RHOH: variants seen among roughly 807,000 people sequenced by gnomAD.
The protein encoded by RHOH is rho-related GTP-binding protein RhoH.
RHOH carries 6 observed loss-of-function variants against 13.8 expected under a neutral mutation model. The observed-to-expected ratio is 0.44, with a 90% confidence interval of 0.24 to 0.86. The LOEUF (loss-of-function observed/expected upper bound fraction) is 0.86. Among genes scored for constraint, RHOH ranks in the 40% least tolerant of loss-of-function variants. RHOH has a pLI of 0.24. For missense variants in RHOH, 147 were observed against 244.5 expected (o/e 0.60, Z 2.66); for synonymous variants, 117 against 103.0 (o/e 1.14, Z -0.82).
In RHOH at chr4:40,198,249, A is replaced by T. The variant is rs920451611; in HGVS notation, c.-331+949A>T. Among the ~76,000 whole-genome samples the T allele has an allele frequency of 4.6e-5, 7 of 152,296 alleles. No homozygotes were observed. In the East Asian group the frequency reaches 1.3e-3, roughly 29 times the overall value. ...AAGAATGCGAAGTGTCGGTAGAAGG[A>T]GAAGGGGCAGGTGATTTCAGACTGG... is the stretch of plus-strand genomic sequence containing the variant. On this transcript the variant is annotated intron_variant, in intron 1 of 2. Coordinates refer to ENST00000381799, the MANE Select transcript of RHOH (RefSeq NM_004310.5).
At chr4:40,198,153 G>C (rs1579218715) in intron 1 of RHOH, among the ~76,000 whole-genome samples, 1 of 152,358 alleles carries the variant, frequency 6.6e-6, no homozygotes, top group East Asian at 1.9e-4. Flanking sequence ...GCACAGGCTT[G>C]AAGAGTTCTG....
chr4:40,230,042 A>G (rs762480368), intron 1 of RHOH, among the ~76,000 whole-genome samples: 9 of 152,100 alleles, frequency 5.9e-5, no homozygotes, highest in Non-Finnish European at 1.0e-4. Flanking sequence ...AAAGAATATA[A>G]AAAGGACTTC....
rs147486622 is a variant in RHOH at position 40,217,200 on chromosome 4, G to C, written c.-331+19900G>C. Among the ~76,000 whole-genome samples the C allele has an allele frequency of 5.3e-5, 8 of 152,262 alleles. No homozygotes were observed. The East Asian group carries it at 1.3e-3, about 26-fold the overall frequency. On this transcript the variant is annotated intron_variant, in intron 1 of 2. Transcript: ENST00000381799. Reference sequence around the variant, plus strand: ...GCAGGAGGGTCGGGGTCTTGGAGTTGTTCAAGTAATTTCATCAGTTAGGGG... The same window carrying C: ...GCAGGAGGGTCGGGGTCTTGGAGTTCTTCAAGTAATTTCATCAGTTAGGGG...
intron 1 of RHOH, among the ~76,000 whole-genome samples, chr4:40,222,289 T>C (rs1376263938): frequency 6.6e-6 from 1 of 152,176 alleles, no homozygotes; most frequent in Non-Finnish European, 1.5e-5. Flanking sequence ...CAAAATGGCC[T>C]TCTATTGGAA....
At chr4:40,199,104 TA>T (rs58849854) in intron 1 of RHOH, among the ~76,000 whole-genome samples, 48 of 150,450 alleles carry the variant, frequency 3.2e-4, no homozygotes, top group East Asian at 1.2e-3. Context: ...ATGCTCAGAT[TA>T]AAAAAAAAAT....
Position 40,243,853 on chromosome 4 carries a change from A to G in RHOH, c.467A>G (p.Asn156Ser), listed in dbSNP as rs1729564196. 1 of 1,614,174 alleles carries G rather than the reference A, an allele frequency of 6.2e-7. No individual in the cohort carries two copies. The highest frequency in any genetic ancestry group is 8.5e-7 in the Non-Finnish European group (1 of 1,180,016). ...KGYLECSALSNRGVQQVFECA... is the reference protein window; with the variant it reads ...KGYLECSALSSRGVQQVFECA... ...TACCTGGAGTGCTCAGCCCTTAGCA[A>G]TCGGGGAGTACAGCAGGTGTTTGAG... The change falls in exon 3 of 3, where the codon AAT becomes AGT. Residue 156 changes from asparagine (N) to serine (S), a missense_variant. Transcript: ENST00000381799. The surrounding 1 kb of genome is among the most constrained non-coding windows in gnomAD (Gnocchi z 6.2).
upstream of RHOH, among the ~76,000 whole-genome samples, chr4:40,194,155 A>G (rs1722894642): frequency 6.6e-6 from 1 of 152,210 alleles, no homozygotes; most frequent in Non-Finnish European, 1.5e-5. Flanking sequence ...TAAATCTTTT[A>G]GAAACTTGGA....
chr4:40,202,410 G>A (rs142194936), intron 1 of RHOH, among the ~76,000 whole-genome samples: 8 of 152,256 alleles, frequency 5.3e-5, no homozygotes, highest in African/African-American at 1.7e-4. Context: ...GACAGCATTT[G>A]GTATGTTAGA....
chr4:40,195,086 G>T (rs927782276), upstream of RHOH, among the ~76,000 whole-genome samples: 9 of 152,138 alleles, frequency 5.9e-5, no homozygotes, highest in African/African-American at 1.9e-4. Context: ...GAACCACGTG[G>T]CATACATTCT....
intron 1 of RHOH, among the ~76,000 whole-genome samples, chr4:40,216,136 A>AT (rs35028517): frequency 0.33 from 43,119 of 132,446 alleles, 7,398 homozygotes; most frequent in African/African-American, 0.45. Flanking sequence ...GACAGTTGCT[A>AT]TTTTTTTTTT....
upstream of RHOH, chr4:40,196,805 G>C (rs3796523): frequency 0.46 from 69,818 of 151,184 alleles, 18,555 homozygotes; most frequent in East Asian, 0.77. Context: ...TGGGGCTAAG[G>C]GGGAGAGAAA....
chr4:40,201,715 G>A (rs1041853404), intron 1 of RHOH, among the ~76,000 whole-genome samples: 1 of 151,924 alleles, frequency 6.6e-6, no homozygotes, highest in African/African-American at 2.4e-5. Context: ...ATGCTACTGA[G>A]GAACTGTGTA....
chr4:40,191,712 T>C (rs6847288), upstream of RHOH, among the ~76,000 whole-genome samples: 134,611 of 152,248 alleles, frequency 0.88, 59,672 homozygotes, highest in East Asian at 1. Flanking sequence ...GCTAGATCAA[T>C]ACAGTAATCC....
chr4:40,235,744 C>A (rs1728494458), intron 1 of RHOH, among the ~76,000 whole-genome samples: 1 of 151,762 alleles, frequency 6.6e-6, no homozygotes, highest in Admixed American at 6.6e-5. Context: ...GAGGCTGAGG[C>A]AAGAGGATTG....
At chr4:40,228,535 ATGG>A (rs1224549569) in intron 1 of RHOH, among the ~76,000 whole-genome samples, 1 of 152,064 alleles carries the variant, frequency 6.6e-6, no homozygotes, top group East Asian at 1.9e-4. Flanking sequence ...TGTGTGTTGG[ATGG>A]TGGTGGTGGT....
At chr4:40,226,541 A>G (rs1030498046) in intron 1 of RHOH, among the ~76,000 whole-genome samples, 4 of 147,964 alleles carry the variant, frequency 2.7e-5, no homozygotes, top group African/African-American at 9.9e-5. Context: ...AAAAAAAAAA[A>G]AAAAGAAAAA....
At chr4:40,210,391 G>A (rs1725131734) in intron 1 of RHOH, among the ~76,000 whole-genome samples, 1 of 152,170 alleles carries the variant, frequency 6.6e-6, no homozygotes, top group South Asian at 2.1e-4. Context: ...ATGGCTGCAC[G>A]ATGATTGCTG....
chr4:40,194,668 G>A (rs556046826), upstream of RHOH, among the ~76,000 whole-genome samples: 1 of 152,252 alleles, frequency 6.6e-6, no homozygotes, highest in African/African-American at 2.4e-5. Flanking sequence ...GAGCCACTGC[G>A]CCCGGCCCAT....
intron 1 of RHOH, among the ~76,000 whole-genome samples, chr4:40,236,769 C>T (rs939150097): frequency 4.0e-5 from 6 of 150,604 alleles, no homozygotes; most frequent in African/African-American, 7.3e-5. Flanking sequence ...TCCAGCCTGG[C>T]GACAGAGTGA....
Sources: gnomAD v4.1 joint callset for allele counts (sites outside exome capture counted in the v4.1 genomes callset) on GRCh38, gnomAD v4.1.1 for gene constraint, Gnocchi (gnomAD v3.1) non-coding constraint, MANE v1.5 for transcripts, NCBI Gene and HGNC (gene_info 2026-07-23, HGNC 2026-07-21) for gene names.